GOLGA5: variants seen among roughly 807,000 people sequenced by gnomAD.
GOLGA5 encodes golgin A5, also known as golgin subfamily A member 5.
In GOLGA5, 50 loss-of-function variants were observed where a neutral mutation model predicts 93.5. The observed-to-expected ratio is 0.53, with a 90% CI of 0.43 to 0.68. The LOEUF (loss-of-function observed/expected upper bound fraction) is 0.68. Among genes scored for constraint, GOLGA5 ranks in the 30% least tolerant of loss-of-function variants. The probability of loss-of-function intolerance (pLI) is 0.00; values close to 1 mark genes in which losing one functional copy is unlikely to be tolerated. For missense variants in GOLGA5, 760 were observed against 856.4 expected (o/e 0.89, Z 1.40); for synonymous variants, 312 against 304.5 (o/e 1.02, Z -0.26).
chr14:92,811,874 A>T, intron 6 of GOLGA5, 120 bp downstream of exon 6: 1 of 726,648 alleles, frequency 1.4e-6, no homozygotes, highest in South Asian at 1.7e-5. Context: ...GGCTAGCTTT[A>T]GGTGCCTTAC....
intron 2 of GOLGA5, among the ~76,000 whole-genome samples, chr14:92,803,058 C>T (rs762579893): frequency 6.6e-6 from 1 of 152,012 alleles, no homozygotes; most frequent in African/African-American, 2.4e-5. Flanking sequence ...TATTTTGAGA[C>T]AGGATCTCAC....
At position 92,806,728 on chromosome 14, in the gene GOLGA5, T is replaced by C. The variant is rs752691180; in HGVS notation, c.545-8T>C. 2 of 1,597,324 alleles carry C rather than the reference T, an allele frequency of 1.3e-6. No individual in the cohort carries two copies. Among genetic ancestry groups the C allele is most frequent in the Non-Finnish European group, 1.7e-6 (2 of 1,164,772 alleles). On this transcript the variant is annotated splice_polypyrimidine_tract_variant and splice_region_variant and intron_variant, in intron 2 of 12. Coordinates refer to ENST00000163416, the MANE Select transcript of GOLGA5 (RefSeq NM_005113.4). The stretch of plus-strand genomic sequence containing the variant: ...CAATGTAACAAAAACGTATTCTTTT[T>C]TTTACAGAAGCTGCCAGTAACTCAG...
At chr14:92,824,080 GT>G (rs1885368205) in intron 8 of GOLGA5, among the ~76,000 whole-genome samples, 1 of 151,574 alleles carries the variant, frequency 6.6e-6, no homozygotes, top group African/African-American at 2.4e-5. Context: ...CTGAATTATT[GT>G]TTTTCTTTGT....
At chr14:92,833,747 T>C (rs909082334) in intron 10 of GOLGA5, among the ~76,000 whole-genome samples, 2 of 152,208 alleles carry the variant, frequency 1.3e-5, no homozygotes, top group Non-Finnish European at 2.9e-5. Flanking sequence ...AAGAAATCTA[T>C]AGATTCCCAA....
chr14:92,810,373 T>G lies in GOLGA5; in HGVS notation c.1112T>G (p.Met371Arg). The change falls in exon 5 of 13, where the codon ATG becomes AGG. Residue 371 changes from methionine to arginine, a missense_variant. Transcript: ENST00000163416. ...LKREQESYKQ[M>R]QSEFAARLNK... ...AGAGAGCAGGAGAGCTATAAACAGA[T>G]GCAGGTTAGAATGAGAGACAGCAGA... is the stretch of plus-strand genomic sequence containing the variant. 6.3e-7 allele frequency: 1 copy of G among 1,574,986 alleles called. No individual in the cohort carries two copies. Among genetic ancestry groups the G allele is most frequent in the Admixed American group, 2.0e-5 (1 of 51,268 alleles).
chr14:92,839,283 C>T (rs2140340994), intron 12 of GOLGA5, 83 bp from the exon 13 acceptor site: 1 of 813,002 alleles, frequency 1.2e-6, no homozygotes, highest in Non-Finnish European at 2.2e-6. Flanking sequence ...AGGTAAGACA[C>T]AGTGCCTGCC....
intron 8 of GOLGA5, among the ~76,000 whole-genome samples, chr14:92,822,848 G>C (rs1244016858): frequency 6.6e-6 from 1 of 152,052 alleles, no homozygotes; most frequent in African/African-American, 2.4e-5. Context: ...GTAGAGACAG[G>C]GTTTTACCAT....
chr14:92,819,519 C>A (rs1205230250), intron 7 of GOLGA5, among the ~76,000 whole-genome samples, 189 bp from the exon 8 acceptor site: 2 of 151,944 alleles, frequency 1.3e-5, no homozygotes, highest in Non-Finnish European at 2.9e-5. Flanking sequence ...TGTAGTCCCG[C>A]TACTCGGGAG....
chr14:92,834,351 C>T (rs1409055190), intron 10 of GOLGA5, among the ~76,000 whole-genome samples: 3 of 152,048 alleles, frequency 2.0e-5, no homozygotes, highest in East Asian at 3.9e-4. Context: ...ATCCCTCCTC[C>T]CCCCTCCCCC....
intron 2 of GOLGA5, among the ~76,000 whole-genome samples, chr14:92,798,480 C>A (rs1423540573): frequency 2.6e-5 from 4 of 152,098 alleles, no homozygotes; most frequent in Non-Finnish European, 5.9e-5. Flanking sequence ...AGGCATTGAC[C>A]TAGTAGTGAA....
intron 3 of GOLGA5, among the ~76,000 whole-genome samples, chr14:92,808,450 AGAGT>A (rs1885036230): frequency 6.6e-6 from 1 of 152,184 alleles, no homozygotes; most frequent in African/African-American, 2.4e-5. Flanking sequence ...CATGGGCAAC[AGAGT>A]GAGACCCCTG....
intron 8 of GOLGA5, among the ~76,000 whole-genome samples, chr14:92,823,819 T>A (rs995387980): frequency 1.3e-5 from 2 of 151,984 alleles, no homozygotes; most frequent in African/African-American, 4.8e-5. Context: ...GTCAGACTTA[T>A]GAATTAATTA....
intron 12 of GOLGA5, 103 bp downstream of exon 12, chr14:92,837,552 G>A (rs1026558808): frequency 3.9e-5 from 26 of 670,394 alleles, no homozygotes; most frequent in Admixed American, 1.2e-4. Flanking sequence ...TGATATTTTA[G>A]CAATCAATCA....
chr14:92,830,402 C>T (rs753487204), intron 9 of GOLGA5, among the ~76,000 whole-genome samples: 3 of 75,198 alleles, frequency 4.0e-5, no homozygotes, highest in African/African-American at 7.3e-5. Context: ...TTTTTTGTGA[C>T]TGGTATTTTT....
In GOLGA5 at chr14:92,809,352, G is replaced by A. The variant is rs1885057586; in HGVS notation, c.825G>A (p.Lys275=). 3 of 1,613,480 alleles carry A rather than the reference G, an allele frequency of 1.9e-6. No homozygotes were observed. Among genetic ancestry groups the A allele is most frequent in the Non-Finnish European group, 2.5e-6 (3 of 1,179,544 alleles). ...RVEKWNADHS[K]SDRMTRGLRA... ...AAAAGTGGAATGCTGACCATTCAAA[G>A]AGTGATCGAATGACTCGAGGACTCC... The change falls in exon 4 of 13, where the codon AAG becomes AAA. Residue 275 remains lysine (K), a synonymous_variant. Coordinates refer to ENST00000163416, the MANE Select transcript of GOLGA5 (RefSeq NM_005113.4).
At position 92,825,874 on chromosome 14, in the gene GOLGA5, C is replaced by A. The variant is rs1010523244; in HGVS notation, c.1719+1230C>A. Reference sequence around the variant, plus strand: ...CTGTCTCAAAAAAAAAAAGAAAAAACAACCATAGGGTGGCTTATGCCTATA... The same window carrying A: ...CTGTCTCAAAAAAAAAAAGAAAAAAAAACCATAGGGTGGCTTATGCCTATA... On this transcript the variant is annotated intron_variant, in intron 9 of 12. Coordinates refer to ENST00000163416, the MANE Select transcript of GOLGA5 (RefSeq NM_005113.4). Among the ~76,000 whole-genome samples the A allele has an allele frequency of 4.9e-3, 426 of 87,790 alleles. 7 individuals are homozygous for A. Among genetic ancestry groups the A allele is most frequent in the Middle Eastern group, 0.012 (2 of 164 alleles). The allele number at this position is 87,790 out of a possible 152,430, so 57.6% of individuals were successfully genotyped here.
At chr14:92,825,683 A>G (rs1236824943) in intron 9 of GOLGA5, among the ~76,000 whole-genome samples, 1 of 152,070 alleles carries the variant, frequency 6.6e-6, no homozygotes, top group African/African-American at 2.4e-5. Flanking sequence ...CAACATAGTG[A>G]GACCTTGTCT....
chr14:92,800,683 C>G (rs899857637), intron 2 of GOLGA5, among the ~76,000 whole-genome samples: 1 of 152,102 alleles, frequency 6.6e-6, no homozygotes, highest in Non-Finnish European at 1.5e-5. Context: ...GGGGATGGAG[C>G]CAGGGCATCT....
intron 9 of GOLGA5, among the ~76,000 whole-genome samples, chr14:92,825,452 C>T (rs1885397427): frequency 1.3e-5 from 2 of 152,196 alleles, no homozygotes; most frequent in Admixed American, 1.3e-4. Context: ...ACGTGATGTG[C>T]TAGCAGAAAG....
Sources: allele counts gnomAD v4.1 joint callset (sites outside exome capture counted in the v4.1 genomes callset), GRCh38; gene constraint gnomAD v4.1.1; transcripts MANE v1.5; gene names NCBI Gene and HGNC (gene_info 2026-07-23, HGNC 2026-07-21).